SYNJ1: variants seen among roughly 807,000 people sequenced by gnomAD.
SYNJ1 encodes the protein polyphosphatidylinositol phosphatase SYNJ1.
A neutral mutation model predicts 168.2 loss-of-function variants in SYNJ1; 78 were observed. That is an observed-to-expected ratio of 0.46 (90% CI 0.39 to 0.56). SYNJ1 has a LOEUF of 0.56. SYNJ1 is among the 20% of genes least tolerant of loss of function. The pLI, the probability that SYNJ1 is intolerant of heterozygous loss-of-function variation, is 0.00. For missense variants in SYNJ1, 1,303 were observed against 1,597.6 expected, an observed-to-expected ratio of 0.82 and a Z score of 3.14; for synonymous variants, 539 against 548.6, an observed-to-expected ratio of 0.98 and a Z score of 0.24.
At chr21:32,633,746 T>C (rs1223179299) in intron 32 of SYNJ1, among the ~76,000 whole-genome samples, 1 of 152,246 alleles carries the variant, frequency 6.6e-6, no homozygotes, top group Non-Finnish European at 1.5e-5. Flanking sequence ...AGGAAATGGA[T>C]GACTTAAGTG....
chr21:32,676,839 A>C (rs780660845), intron 12 of SYNJ1, among the ~76,000 whole-genome samples: 40 of 152,168 alleles, frequency 2.6e-4, no homozygotes, highest in Admixed American at 6.5e-5. Context: ...ATGCTATGCA[A>C]ATTTTGCAAA....
intron 15 of SYNJ1, among the ~76,000 whole-genome samples, chr21:32,668,749 T>G (rs1439923375): frequency 6.6e-6 from 1 of 152,224 alleles, no homozygotes; most frequent in African/African-American, 2.4e-5. Flanking sequence ...AATTTGTATT[T>G]ATAATATGGA....
chr21:32,725,853 A>G (rs556652145), intron 2 of SYNJ1, among the ~76,000 whole-genome samples: 19 of 151,870 alleles, frequency 1.3e-4, no homozygotes, highest in Non-Finnish European at 2.5e-4. Flanking sequence ...TTTCTTTTTA[A>G]TTTTTGAAAC....
chr21:32,664,501 G>A (rs1022569809), intron 18 of SYNJ1, among the ~76,000 whole-genome samples: 9 of 124,292 alleles, frequency 7.2e-5, no homozygotes, highest in African/African-American at 2.3e-4. Flanking sequence ...GAAAAGCATC[G>A]TGAAAATCCC....
Position 32,645,795 on chromosome 21 carries a change from A to C in SYNJ1, c.3248-6T>G, listed in dbSNP as rs567223330. The C allele has an allele frequency of 5.4e-6, 8 of 1,483,766 alleles. No individual in the cohort carries two copies. The Admixed American group carries it at 1.2e-4, about 22-fold the overall frequency. 91.9% of individuals were successfully genotyped at this position (1,483,766 alleles called of 1,614,324 possible). A position where few individuals can be genotyped will look rare whatever the true frequency, so the allele number is the denominator to read the frequency against. On this transcript the variant is annotated splice_polypyrimidine_tract_variant and splice_region_variant and intron_variant, in intron 24 of 32. Coordinates refer to ENST00000674351, the MANE Select transcript of SYNJ1 (RefSeq NM_203446.3). ...CTGCGCGTCAATAGGAGAACCTAAA[A>C]AGCGCACAGGAGGTAAGAAGATCAG...
chr21:32,690,896 G>C (rs1199305794), intron 6 of SYNJ1, among the ~76,000 whole-genome samples: 1 of 152,114 alleles, frequency 6.6e-6, no homozygotes, highest in Non-Finnish European at 1.5e-5. Context: ...CACTCCAATG[G>C]GCAACAAGAG....
intron 22 of SYNJ1, among the ~76,000 whole-genome samples, chr21:32,652,849 T>C (rs1483303578): frequency 1.3e-5 from 2 of 152,230 alleles, no homozygotes; most frequent in Non-Finnish European, 1.5e-5. Flanking sequence ...TTTAGTTATG[T>C]TTGAAGAAGA....
At chr21:32,645,066 A>G in intron 25 of SYNJ1, 60 bp from the exon 26 acceptor site, 1 of 1,523,704 alleles carries the variant, frequency 6.6e-7, no homozygotes, top group Non-Finnish European at 8.9e-7. Context: ...CAGAAGTGAA[A>G]TGTCAAAGAT....
At chr21:32,716,598 C>T (rs1036465867) in intron 2 of SYNJ1, among the ~76,000 whole-genome samples, 11 of 152,210 alleles carry the variant, frequency 7.2e-5, no homozygotes, top group African/African-American at 2.7e-4. Context: ...CTCTGTATCA[C>T]TGGTAAACAG....
At chr21:32,668,911 A>C (rs527952215) in intron 15 of SYNJ1, among the ~76,000 whole-genome samples, 1 of 152,316 alleles carries the variant, frequency 6.6e-6, no homozygotes, top group Non-Finnish European at 1.5e-5. Context: ...CAATGGGTAA[A>C]AGTGCTGGTG....
chr21:32,680,429 A>T (rs1025703023), intron 11 of SYNJ1, among the ~76,000 whole-genome samples: 1 of 152,228 alleles, frequency 6.6e-6, no homozygotes, highest in African/African-American at 2.4e-5. Flanking sequence ...GAAAGTTGAT[A>T]AATTCAAGTG....
At chr21:32,701,681 T>C (rs1382889983) in intron 3 of SYNJ1, among the ~76,000 whole-genome samples, 2 of 152,114 alleles carry the variant, frequency 1.3e-5, no homozygotes, top group Non-Finnish European at 2.9e-5. Flanking sequence ...AAAAGGAGAA[T>C]GTTCTGATTT....
At position 32,686,155 on chromosome 21, in the gene SYNJ1, T is replaced by TACTA. The variant is rs375385418; in HGVS notation, c.949-242_949-239dup. Reference sequence around the variant, plus strand: ...GCATTTTATTTTTACAACACAAACTTACTATTTAGACCTATTATAGAATCT... The same window carrying TACTA: ...GCATTTTATTTTTACAACACAAACTTACTAACTATTTAGACCTATTATAGAATCT... On this transcript the variant is annotated intron_variant, in intron 8 of 32. Coordinates refer to ENST00000674351, the MANE Select transcript of SYNJ1 (RefSeq NM_203446.3). Among the ~76,000 whole-genome samples the TACTA allele has an allele frequency of 7.9e-4, 121 of 152,322 alleles. 1 individual carries two copies. Among genetic ancestry groups the TACTA allele is most frequent in the African/African-American group, 2.8e-3 (116 of 41,582 alleles).
At chr21:32,634,666 GAAC>G in intron 32 of SYNJ1, among the ~76,000 whole-genome samples, 192 bp downstream of exon 32, 1 of 152,172 alleles carries the variant, frequency 6.6e-6, no homozygotes, top group Non-Finnish European at 1.5e-5. Context: ...GCATTAGCAA[GAAC>G]AACTACATGG....
At chr21:32,713,888 T>A (rs982954835) in intron 2 of SYNJ1, among the ~76,000 whole-genome samples, 1 of 152,216 alleles carries the variant, frequency 6.6e-6, no homozygotes, top group African/African-American at 2.4e-5. Context: ...TTCCATGATG[T>A]AAGAGGTCTG....
At chr21:32,639,803 T>C in intron 29 of SYNJ1, 24 bp from the exon 30 acceptor site, 1 of 1,588,552 alleles carries the variant, frequency 6.3e-7, no homozygotes, top group Non-Finnish European at 8.6e-7. Context: ...ACATAACACT[T>C]GAGACATTTA....
chr21:32,690,631 C>T (rs891515984), intron 6 of SYNJ1, among the ~76,000 whole-genome samples: 3 of 152,216 alleles, frequency 2.0e-5, no homozygotes, highest in Admixed American at 6.5e-5. Flanking sequence ...TGGCTCATGC[C>T]TGTAATCCCA....
chr21:32,639,124 A>C lies in SYNJ1; in HGVS notation c.3699T>G (p.Gly1233=), dbSNP rs1569026368. Residue 1233 remains glycine, a splice_region_variant and synonymous_variant, in exon 31 of 33, where the codon GGT becomes GGG. Transcript: ENST00000674351. ...TCAGTGGTTCAGGAAGGAAAGTTGA[A>C]CCTAAAAAACCAGTGGTTGTCAGAT... ...SQSKTSETSK[G]STFLPEPLKP... 6.2e-7 allele frequency: 1 copy of C among 1,609,096 alleles called. No individual in the cohort carries two copies. Among genetic ancestry groups the C allele is most frequent in the African/African-American group, 1.3e-5 (1 of 74,754 alleles).
chr21:32,665,481 T>C (rs963439832), intron 17 of SYNJ1, among the ~76,000 whole-genome samples: 1 of 152,238 alleles, frequency 6.6e-6, no homozygotes, highest in Non-Finnish European at 1.5e-5. Flanking sequence ...GCAGATTCAC[T>C]GAGCCACACT....
Sources: gnomAD v4.1 joint callset for allele counts (sites outside exome capture counted in the v4.1 genomes callset) on GRCh38, gnomAD v4.1.1 for gene constraint, MANE v1.5 for transcripts, NCBI Gene and HGNC (gene_info 2026-07-23, HGNC 2026-07-21) for gene names.